Variants in ZDHHC21 observed in about 807,000 individuals in gnomAD.
The protein encoded by ZDHHC21 is zDHHC palmitoyltransferase 21.
ZDHHC21 carries 15 observed loss-of-function variants against 34.6 expected under a neutral mutation model. That is an observed-to-expected ratio of 0.43 (90% CI 0.29 to 0.67). ZDHHC21 has a LOEUF of 0.67. ZDHHC21 is among the 30% of genes least tolerant of loss of function. The pLI is 0.14. For missense variants in ZDHHC21, 344 were observed against 327.7 expected (o/e 1.05, Z -0.38); for synonymous variants, 142 against 101.8 (o/e 1.40, Z -2.38).
chr9:14,634,236 T>C (rs943797600), intron 8 of ZDHHC21, among the ~76,000 whole-genome samples: 1 of 152,180 alleles, frequency 6.6e-6, no homozygotes, highest in African/African-American at 2.4e-5. Context: ...GCTGATATTG[T>C]CAACGCCTAC....
At chr9:14,597,545 C>T in the ZDHHC21 span, among the ~76,000 whole-genome samples, 1 of 152,138 alleles carries the variant, frequency 6.6e-6, no homozygotes, top group Non-Finnish European at 1.5e-5. Flanking sequence ...CCTGCATGTG[C>T]TTTCAGGAGA....
rs1382973792 is a variant in ZDHHC21, at chr9:14,618,069, TATACTAGCATTTTA to T, written c.*883_*896del. On this transcript the variant is annotated 3_prime_UTR_variant, in exon 10 of 10. Transcript: ENST00000380916. Reference sequence around the variant, plus strand: ...TACTGTACATTATATACTATCTAGTTATACTAGCATTTTAAAAACATATGCATTCTAATATAACT... The same window carrying T: ...TACTGTACATTATATACTATCTAGTTAAAACATATGCATTCTAATATAACT... 6.6e-6 allele frequency: 1 copy of T among 152,536 alleles called. No homozygotes were observed. Among genetic ancestry groups the T allele is most frequent in the African/African-American group, 2.4e-5 (1 of 41,434 alleles). The allele number at this position is 152,536 out of a possible 1,614,324, so 9.4% of individuals were successfully genotyped here.
In ZDHHC21 at chr9:14,680,047, C is replaced by A. The variant is rs1288804228; in HGVS notation, c.-60G>T. 2.0e-5 allele frequency: 3 copies of A among 152,490 alleles called. No homozygotes were observed. Among genetic ancestry groups the A allele is most frequent in the African/African-American group, 7.2e-5 (3 of 41,438 alleles). The allele number at this position is 152,490 out of a possible 1,614,324, so 9.4% of individuals were successfully genotyped here. A position where few individuals can be genotyped will look rare whatever the true frequency, so the allele number is the denominator to read the frequency against. On this transcript the variant is annotated 5_prime_UTR_variant, in exon 3 of 10. Coordinates refer to ENST00000380916, the MANE Select transcript of ZDHHC21 (RefSeq NM_178566.6). ...AGCAAACTTACCACTTGCAAATTCACTGAGATGTGCTGTAATTTTTCTGGA... is the reference window on the plus strand; with the variant it reads ...AGCAAACTTACCACTTGCAAATTCAATGAGATGTGCTGTAATTTTTCTGGA...
At position 14,614,656 on chromosome 9, in the gene ZDHHC21, A is replaced by G. The variant is rs1013629940; in HGVS notation, c.*4310T>C. On this transcript the variant is annotated 3_prime_UTR_variant, in exon 10 of 10. Coordinates refer to ENST00000380916, the MANE Select transcript of ZDHHC21 (RefSeq NM_178566.6). ...AATAAATTCAGAGGATGATTTCTAGAATAAAAGTTAACAAACTTGGGCATT... is the reference window on the plus strand; with the variant it reads ...AATAAATTCAGAGGATGATTTCTAGGATAAAAGTTAACAAACTTGGGCATT... 6.6e-6 allele frequency: 1 copy of G among 151,766 alleles called. No homozygotes were observed. The highest frequency in any genetic ancestry group is 2.4e-5 in the African/African-American group (1 of 41,420). 9.4% of individuals were successfully genotyped at this position (151,766 alleles called of 1,614,324 possible).
intron 3 of ZDHHC21, among the ~76,000 whole-genome samples, chr9:14,674,961 G>C (rs1405796924): frequency 1.3e-5 from 2 of 151,944 alleles, no homozygotes; most frequent in Non-Finnish European, 2.9e-5. Flanking sequence ...GTATACTTCA[G>C]ATTTGTGCAC....
At chr9:14,677,467 G>C (rs1346234770) in intron 3 of ZDHHC21, 5 of 150,094 alleles carry the variant, frequency 3.3e-5, no homozygotes, top group Non-Finnish European at 7.4e-5. Flanking sequence ...TATGGCTGAA[G>C]AGAAACTATT....
chr9:14,672,680 T>C (rs1416897880), intron 5 of ZDHHC21, 150 bp downstream of exon 5: 1 of 529,122 alleles, frequency 1.9e-6, no homozygotes, highest in Non-Finnish European at 3.2e-6. Context: ...CAATTTTAAG[T>C]AGAGAAGTTT....
At chr9:14,655,794 A>T (rs891766983) in intron 7 of ZDHHC21, among the ~76,000 whole-genome samples, 1 of 151,802 alleles carries the variant, frequency 6.6e-6, no homozygotes, top group African/African-American at 2.4e-5. Flanking sequence ...TCAAATAATA[A>T]ATAGGAAAAT....
chr9:14,598,297 TAAC>T, the ZDHHC21 span, among the ~76,000 whole-genome samples: 1 of 152,148 alleles, frequency 6.6e-6, no homozygotes. Context: ...CAACTTTCAC[TAAC>T]AACCATAGCC....
At chr9:14,595,712 CCAATTAAAAATGGT>C in the ZDHHC21 span, among the ~76,000 whole-genome samples, 8 of 152,038 alleles carry the variant, frequency 5.3e-5, no homozygotes, top group African/African-American at 1.9e-4. Context: ...AGAAGACAAC[CCAATTAAAAATGGT>C]CAAAAGATTT....
chr9:14,595,197 C>T, the ZDHHC21 span, among the ~76,000 whole-genome samples: 1 of 152,134 alleles, frequency 6.6e-6, no homozygotes, highest in Non-Finnish European at 1.5e-5. Flanking sequence ...CATATGTCCA[C>T]ACATTTTTAT....
intron 7 of ZDHHC21, among the ~76,000 whole-genome samples, chr9:14,655,385 G>A (rs1295753199): frequency 2.0e-5 from 3 of 151,854 alleles, no homozygotes; most frequent in African/African-American, 7.2e-5. Context: ...CAGGTATAAA[G>A]AGTACTAGAA....
intron 3 of ZDHHC21, among the ~76,000 whole-genome samples, chr9:14,678,429 G>C (rs1341759249): frequency 5.3e-5 from 8 of 151,704 alleles, no homozygotes; most frequent in African/African-American, 1.5e-4. Context: ...AATTCACAAA[G>C]GGAAAAAAAT....
At chr9:14,673,988 G>C (rs1314517506) in intron 4 of ZDHHC21, among the ~76,000 whole-genome samples, 199 bp downstream of exon 4, 2 of 151,936 alleles carry the variant, frequency 1.3e-5, no homozygotes, top group African/African-American at 2.4e-5. Flanking sequence ...TAAAAATGGA[G>C]ATATCACTTT....
intron 7 of ZDHHC21, among the ~76,000 whole-genome samples, chr9:14,642,643 G>A (rs1193634160): frequency 6.6e-6 from 1 of 152,192 alleles, no homozygotes; most frequent in Non-Finnish European, 1.5e-5. Flanking sequence ...CACCATGGAT[G>A]TTCCCGGAGG....
Position 14,637,204 on chromosome 9 carries a change from T to C in ZDHHC21, c.621+2692A>G, listed in dbSNP as rs1279541564. 3.3e-5 allele frequency among the ~76,000 whole-genome samples: 5 copies of C among 151,864 alleles called. 1 individual carries two copies. In the East Asian group the frequency reaches 9.7e-4, roughly 29 times the overall value. On this transcript the variant is annotated intron_variant, in intron 8 of 9. Transcript: ENST00000380916. ...GGACCCAAGTAAATAAAATCAGACA[T>C]GAAAAAGAAGACATTACAGCTGATA...
chr9:14,600,042 C>T, the ZDHHC21 span, among the ~76,000 whole-genome samples: 1 of 152,148 alleles, frequency 6.6e-6, no homozygotes, highest in Non-Finnish European at 1.5e-5. Flanking sequence ...AAACCACAGC[C>T]AATATCATGC....
chr9:14,614,487 A>G lies in ZDHHC21; in HGVS notation c.*4479T>C, dbSNP rs1171056573. On this transcript the variant is annotated 3_prime_UTR_variant, in exon 10 of 10. Coordinates refer to ENST00000380916, the MANE Select transcript of ZDHHC21 (RefSeq NM_178566.6). ...CTCAAAAGGAGCAGAAATGCTAAAT[A>G]CTGATTAACATATAGAATTACAACA... is the stretch of plus-strand genomic sequence containing the variant. 1 of 151,770 alleles carries G rather than the reference A, an allele frequency of 6.6e-6. No individual in the cohort carries two copies. Among genetic ancestry groups the G allele is most frequent in the Non-Finnish European group, 1.5e-5 (1 of 67,754 alleles). 9.4% of individuals were successfully genotyped at this position (151,770 alleles called of 1,614,324 possible). A position where few individuals can be genotyped will look rare whatever the true frequency, so the allele number is the denominator to read the frequency against.
At chr9:14,592,054 G>A in the ZDHHC21 span, among the ~76,000 whole-genome samples, 3 of 151,964 alleles carry the variant, frequency 2.0e-5, no homozygotes, top group Admixed American at 2.0e-4. Context: ...AGTATTATTG[G>A]TACAATTGGA....
Sources: gnomAD v4.1 joint callset for allele counts (sites outside exome capture counted in the v4.1 genomes callset) on GRCh38, gnomAD v4.1.1 for gene constraint, MANE v1.5 for transcripts, NCBI Gene and HGNC (gene_info 2026-07-23, HGNC 2026-07-21) for gene names.